The following MED12L variants were observed in gnomAD, a reference collection of about 807,000 sequenced individuals.
MED12L encodes the protein mediator of RNA polymerase II transcription subunit 12-like protein.
Under a neutral mutation model 281.3 loss-of-function variants are expected in MED12L, and 60 were observed. That is an observed-to-expected ratio of 0.21 (90% CI 0.17 to 0.26). The LOEUF (loss-of-function observed/expected upper bound fraction) is 0.26, where lower values mean the gene tolerates loss of function less well. Among genes scored for constraint, MED12L ranks in the 10% least tolerant of loss-of-function variants. MED12L has a pLI of 1.00. For synonymous variants in MED12L, 974 were observed against 987.2 expected (o/e 0.99, Z 0.25); for missense variants, 2,146 against 2,680.9 (o/e 0.80, Z 4.41).
chr3:151,392,118 A>G (rs1182629290), intron 38 of MED12L, among the ~76,000 whole-genome samples: 1 of 152,180 alleles, frequency 6.6e-6, no homozygotes, highest in Non-Finnish European at 1.5e-5. Context: ...ATAGAATACT[A>G]TAGAAAGCTT....
chr3:151,382,120 T>G (rs575778831), intron 32 of MED12L, among the ~76,000 whole-genome samples: 2 of 152,292 alleles, frequency 1.3e-5, no homozygotes, highest in East Asian at 1.9e-4. Context: ...GCAGCCCACT[T>G]TATAAACTGA....
Position 151,170,716 on chromosome 3 carries a change from T to C in MED12L, c.1494+4734T>C, listed in dbSNP as rs918627192. ...TCTCAAAAACCTGAGTGTTTCCTTA[T>C]TCTAGATCTGTGCTGCTTAGTTTTC... On this transcript the variant is annotated intron_variant, in intron 11 of 44. Transcript: ENST00000687756. 3.9e-5 allele frequency among the ~76,000 whole-genome samples: 6 copies of C among 152,212 alleles called. 1 individual carries two copies. Among genetic ancestry groups the C allele is most frequent in the African/African-American group, 7.2e-5 (3 of 41,448 alleles).
chr3:151,333,987 G>A (rs751505928), intron 16 of MED12L, among the ~76,000 whole-genome samples: 21 of 151,950 alleles, frequency 1.4e-4, no homozygotes, highest in Admixed American at 3.3e-4. Flanking sequence ...CTGAGGCAGA[G>A]AATTGCTTGT....
chr3:151,201,854 C>T (rs895807043), intron 16 of MED12L, among the ~76,000 whole-genome samples: 2 of 152,190 alleles, frequency 1.3e-5, no homozygotes, highest in African/African-American at 4.8e-5. Flanking sequence ...TTTTGGCTTA[C>T]GCACTTCTAT....
At position 151,180,539 on chromosome 3, in the gene MED12L, A is replaced by T. The variant is rs145718859; in HGVS notation, c.1495-4791A>T. On this transcript the variant is annotated intron_variant, in intron 11 of 44. Coordinates refer to ENST00000687756, the MANE Select transcript of MED12L (RefSeq NM_001393769.1). ...AAAGCACATTAATGGGTACTTTTGG[A>T]AGTGAATTGACTTCCTCTTGGAACC... 2.2e-3 allele frequency among the ~76,000 whole-genome samples: 334 copies of T among 152,336 alleles called. 7 individuals are homozygous for T. In the South Asian group the frequency reaches 0.057, roughly 26 times the overall value.
chr3:151,168,331 A>T (rs1720977933), intron 11 of MED12L, among the ~76,000 whole-genome samples: 1 of 152,222 alleles, frequency 6.6e-6, no homozygotes, highest in Admixed American at 6.5e-5. Flanking sequence ...TATAGAAGTT[A>T]TAAATAAGTG....
chr3:151,280,700 TA>T (rs975962600), intron 16 of MED12L, among the ~76,000 whole-genome samples: 1 of 151,536 alleles, frequency 6.6e-6, no homozygotes, highest in African/African-American at 2.4e-5. Context: ...GAGGGGTGGG[TA>T]GGGGGCAGAC....
At chr3:151,341,796 C>T (rs1751868849) in intron 16 of MED12L, among the ~76,000 whole-genome samples, 1 of 140,198 alleles carries the variant, frequency 7.1e-6, no homozygotes, top group Non-Finnish European at 1.5e-5. Flanking sequence ...TCTCATTGTT[C>T]AGTTCCCACC....
intron 16 of MED12L, chr3:151,213,078 A>T: frequency 6.1e-6 from 2 of 326,208 alleles, no homozygotes; most frequent in Non-Finnish European, 1.1e-5. Flanking sequence ...TTTTTTATTA[A>T]TAGAGAATAG....
chr3:151,123,878 C>G (rs139338782), intron 4 of MED12L, among the ~76,000 whole-genome samples: 1 of 152,284 alleles, frequency 6.6e-6, no homozygotes, highest in East Asian at 1.9e-4. Flanking sequence ...GCCTTAATGT[C>G]ATAACATTGT....
intron 8 of MED12L, among the ~76,000 whole-genome samples, chr3:151,163,507 C>T (rs2700472): frequency 0.81 from 122,287 of 150,446 alleles, 49,685 homozygotes; most frequent in African/African-American, 0.87. Context: ...TTAAATACTT[C>T]TTTTTTTTTA....
intron 16 of MED12L, among the ~76,000 whole-genome samples, chr3:151,236,357 C>T (rs1732799480): frequency 6.6e-6 from 1 of 152,178 alleles, no homozygotes. Flanking sequence ...CCTTTTAAAT[C>T]TCTGGATCAC....
intron 16 of MED12L, among the ~76,000 whole-genome samples, chr3:151,308,729 T>A (rs562524109): frequency 9.2e-5 from 14 of 152,170 alleles, no homozygotes; most frequent in Non-Finnish European, 2.1e-4. Flanking sequence ...GGCGTCACCT[T>A]GATATTTTAA....
intron 16 of MED12L, chr3:151,294,121 C>T: frequency 8.9e-7 from 1 of 1,126,724 alleles, no homozygotes; most frequent in Non-Finnish European, 1.3e-6. Context: ...TGAAAAGAAA[C>T]ATTTATTTAC....
At chr3:151,101,254 A>C (rs1460859943) in intron 2 of MED12L, among the ~76,000 whole-genome samples, 1 of 152,230 alleles carries the variant, frequency 6.6e-6, no homozygotes. Flanking sequence ...TAGAGTGTAC[A>C]AAGTGCCACA....
intron 39 of MED12L, among the ~76,000 whole-genome samples, chr3:151,397,329 G>A (rs1715105235): frequency 6.6e-6 from 1 of 152,158 alleles, no homozygotes; most frequent in East Asian, 1.9e-4. Context: ...TTCTTCAAGT[G>A]TTAGATAATT....
intron 16 of MED12L, among the ~76,000 whole-genome samples, chr3:151,320,237 A>G (rs1748834977): frequency 6.6e-6 from 1 of 152,194 alleles, no homozygotes; most frequent in East Asian, 1.9e-4. Context: ...GTTTCTTCTT[A>G]AGGAAAATGC....
chr3:151,337,911 A>G, intron 16 of MED12L: 1 of 1,614,138 alleles, frequency 6.2e-7, no homozygotes. Context: ...GCACTTCAGC[A>G]TACTTATCAA....
At chr3:151,191,430 G>A (rs1213905964) in intron 14 of MED12L, among the ~76,000 whole-genome samples, 1 of 152,160 alleles carries the variant, frequency 6.6e-6, no homozygotes, top group African/African-American at 2.4e-5. Context: ...TTTCTCAAAT[G>A]TTGTAGAAGT....
Sources: allele counts gnomAD v4.1 joint callset (sites outside exome capture counted in the v4.1 genomes callset), GRCh38; gene constraint gnomAD v4.1.1; transcripts MANE v1.5; gene names NCBI Gene and HGNC (gene_info 2026-07-23, HGNC 2026-07-21).